Variants in NPEPL1 observed in about 807,000 individuals in gnomAD.
NPEPL1 encodes the protein aminopeptidase like 1, also known as probable aminopeptidase NPEPL1.
NPEPL1 carries 45 observed loss-of-function variants against 52.4 expected under a neutral mutation model. That is an observed-to-expected ratio of 0.86 (90% CI 0.68 to 1.10). The LOEUF (loss-of-function observed/expected upper bound fraction) is 1.10. Among genes scored for constraint, NPEPL1 ranks in the 50% least tolerant of loss-of-function variants. The pLI, the probability that NPEPL1 is intolerant of heterozygous loss-of-function variation, is 0.00. For synonymous variants in NPEPL1, 360 were observed against 314.7 expected, an observed-to-expected ratio of 1.14 and a Z score of -1.52; for missense variants, 696 against 710.9, an observed-to-expected ratio of 0.98 and a Z score of 0.24.
At chr20:58,705,776 G>A (rs1025952029) in intron 6 of NPEPL1, among the ~76,000 whole-genome samples, 7 of 152,224 alleles carry the variant, frequency 4.6e-5, no homozygotes, top group African/African-American at 1.7e-4. Flanking sequence ...TGTACAGTGA[G>A]CAGCCGTTTC....
chr20:58,695,191 G>A (rs2084456817), intron 3 of NPEPL1, among the ~76,000 whole-genome samples: 1 of 4,124 alleles, frequency 2.4e-4, no homozygotes, highest in East Asian at 6.1e-3. Context: ...GTGTTGTTGT[G>A]TGTGAGTACT....
Position 58,715,355 on chromosome 20 carries a change from G to T in NPEPL1, c.*29G>T, listed in dbSNP as rs762682867. ...TCCTGCCTCGGCCCTGACAAACGGG[G>T]ATCTTTTACCTCACTTTGCACTGAT... On this transcript the variant is annotated 3_prime_UTR_variant, in exon 12 of 12. Transcript: ENST00000356091. The T allele has an allele frequency of 6.3e-7, 1 of 1,577,160 alleles. No homozygotes were observed. The highest frequency in any genetic ancestry group is 2.3e-5 in the East Asian group (1 of 44,024).
intron 3 of NPEPL1, among the ~76,000 whole-genome samples, chr20:58,697,303 G>A (rs1291734618): frequency 1.3e-5 from 2 of 152,222 alleles, no homozygotes; most frequent in African/African-American, 2.4e-5. Context: ...CGAGCTCGCC[G>A]TGGTCTGGGG....
chr20:58,694,536 G>A lies in NPEPL1; in HGVS notation c.451G>A (p.Val151Met), dbSNP rs745622602. 7.4e-6 allele frequency: 12 copies of A among 1,614,010 alleles called. No homozygotes were observed. The highest frequency in any genetic ancestry group is 1.1e-5 in the South Asian group (1 of 91,084). Reference sequence around the variant, plus strand: ...GCGCTTGGAGAAGAAGACGGTCACCGTGGAGTTTTTCCTGGTGGGACAAGA... The same window carrying A: ...GCGCTTGGAGAAGAAGACGGTCACCATGGAGTTTTTCCTGGTGGGACAAGA... ...SRRLEKKTVT[V>M]EFFLVGQDNG... Residue 151 changes from valine (V) to methionine (M), a missense_variant, in exon 3 of 12, where the codon GTG (valine) becomes ATG (methionine). Physicochemically the swap from Val to Met is conservative, Grantham distance 21. Coordinates refer to ENST00000356091, the MANE Select transcript of NPEPL1 (RefSeq NM_024663.4).
In NPEPL1 at chr20:58,714,553, T is replaced by C. The variant is rs753954942; in HGVS notation, c.1303-7T>C. ...CCACAGGCACTGTGTCCTCCTGGCC[T>C]CCCTAGGACCGAGACAACAGCCCCA... On this transcript the variant is annotated splice_polypyrimidine_tract_variant and splice_region_variant and intron_variant, in intron 10 of 11. Coordinates refer to ENST00000356091, the MANE Select transcript of NPEPL1 (RefSeq NM_024663.4). The C allele has an allele frequency of 1.9e-6, 3 of 1,566,542 alleles. No individual in the cohort carries two copies. The highest frequency in any genetic ancestry group is 3.6e-5 in the Admixed American group (2 of 55,080).
At chr20:58,705,761 C>T (rs2084724028) in intron 6 of NPEPL1, among the ~76,000 whole-genome samples, 1 of 152,218 alleles carries the variant, frequency 6.6e-6, no homozygotes, top group Non-Finnish European at 1.5e-5. Flanking sequence ...ACGGGGGAGA[C>T]ATGGTGTACA....
intron 3 of NPEPL1, among the ~76,000 whole-genome samples, chr20:58,697,242 C>T (rs1001219578): frequency 6.6e-6 from 1 of 152,224 alleles, no homozygotes; most frequent in African/African-American, 2.4e-5. Flanking sequence ...TGGTGGAGGG[C>T]ACCCGCAGCC....
rs1039941506 is a variant in NPEPL1, at chr20:58,713,175, C to T, written c.1002-245C>T. On this transcript the variant is annotated intron_variant, in intron 8 of 11. Transcript: ENST00000356091. The surrounding 1 kb of genome is among the most constrained non-coding windows in gnomAD (Gnocchi z 4.6). ...AGAAGAAACTGAGGCATGGGAGAGCCAAATGGCTGGTCTCTGGCTCTCCAG... is the reference window on the plus strand; with the variant it reads ...AGAAGAAACTGAGGCATGGGAGAGCTAAATGGCTGGTCTCTGGCTCTCCAG... 2.0e-6 allele frequency: 1 copy of T among 489,920 alleles called. No individual in the cohort carries two copies. 30.3% of individuals were successfully genotyped at this position (489,920 alleles called of 1,614,324 possible).
intron 7 of NPEPL1, among the ~76,000 whole-genome samples, chr20:58,710,519 CA>C (rs1435938784): frequency 6.6e-6 from 1 of 152,098 alleles, no homozygotes; most frequent in African/African-American, 2.4e-5. Flanking sequence ...GCCCCTGACC[CA>C]CTTACCAACC....
chr20:58,699,672 T>C (rs181184511), intron 5 of NPEPL1, among the ~76,000 whole-genome samples: 57 of 152,252 alleles, frequency 3.7e-4, no homozygotes, highest in African/African-American at 1.3e-3. Context: ...TGGAATACTT[T>C]CCCCCAAGAT....
chr20:58,698,946 GGT>G (rs2084552222), intron 4 of NPEPL1, among the ~76,000 whole-genome samples, 173 bp downstream of exon 4: 1 of 152,226 alleles, frequency 6.6e-6, no homozygotes, highest in Admixed American at 6.5e-5. Flanking sequence ...CTCAGGAAAG[GGT>G]GTGTGGGGAG....
chr20:58,693,139 C>CCCT (rs2084389441), intron 1 of NPEPL1, 89 bp downstream of exon 1: 24 of 878,182 alleles, frequency 2.7e-5, no homozygotes, highest in Non-Finnish European at 3.3e-5. Flanking sequence ...CCGCCGCACC[C>CCCT]CCGCCGCCGC....
chr20:58,698,692 G>A lies in NPEPL1; in HGVS notation c.516G>A (p.Ala172=), dbSNP rs200126949. Residue 172 remains alanine (A), a synonymous_variant, in exon 4 of 12, where the codon GCG becomes GCA. Transcript: ENST00000356091. The part of the protein sequence containing the change: ...PVEVSTLQCL[A]NATDGVRLAA... ...GGCCTTTTTCTCCCTAGTGCTTAGC[G>A]AATGCCACAGACGGCGTGCGGCTAG... 336 of 1,612,640 alleles carry A rather than the reference G, an allele frequency of 2.1e-4. 2 individuals are homozygous for A. In the African/African-American group the frequency reaches 3.9e-3, roughly 19 times the overall value.
intron 5 of NPEPL1, 38 bp downstream of exon 5, chr20:58,699,316 G>A (rs1312805323): frequency 5.2e-6 from 8 of 1,541,210 alleles, no homozygotes; most frequent in Non-Finnish European, 7.1e-6. Context: ...CTTGGCCTCG[G>A]GCAGTGGCCA....
rs528880020 is a variant in NPEPL1 at position 58,712,421 on chromosome 20, T to C, written c.901-58T>C. 209 of 1,169,166 alleles carry C rather than the reference T, an allele frequency of 1.8e-4. No homozygotes were observed. In the East Asian group the frequency reaches 4.8e-3, roughly 27 times the overall value. 72.4% of individuals were successfully genotyped at this position (1,169,166 alleles called of 1,614,324 possible). A position where few individuals can be genotyped will look rare whatever the true frequency, so the allele number is the denominator to read the frequency against. Reference sequence around the variant, plus strand: ...GGGTCTGAGAACCCCCAGCTCGTCCTCCCCCCTCCCCAAACCTATGACCTA... The same window carrying C: ...GGGTCTGAGAACCCCCAGCTCGTCCCCCCCCCTCCCCAAACCTATGACCTA... On this transcript the variant is annotated intron_variant, in intron 7 of 11. Transcript: ENST00000356091.
Position 58,713,585 on chromosome 20 carries a change from G to A in NPEPL1, c.1125+42G>A. ...TCCACCCCTTAGCTGTAGTCCCAGG[G>A]AACCCCACCCCACTCTTGACCTCAA... is the stretch of plus-strand genomic sequence containing the variant. On this transcript the variant is annotated intron_variant, in intron 9 of 11. Coordinates refer to ENST00000356091, the MANE Select transcript of NPEPL1 (RefSeq NM_024663.4). This position sits in a 1 kb window ranked among gnomAD's most constrained non-coding sequence, Gnocchi z 4.6. 1 of 1,538,052 alleles carries A rather than the reference G, an allele frequency of 6.5e-7. No individual in the cohort carries two copies. Among genetic ancestry groups the A allele is most frequent in the Non-Finnish European group, 8.8e-7 (1 of 1,136,522 alleles).
At chr20:58,708,671 C>A (rs1490309193) in intron 7 of NPEPL1, among the ~76,000 whole-genome samples, 1 of 152,244 alleles carries the variant, frequency 6.6e-6, no homozygotes, top group Non-Finnish European at 1.5e-5. Flanking sequence ...TTGACTGCCC[C>A]AGCATCATAG....
Position 58,699,280 on chromosome 20 carries a change from T to C in NPEPL1, c.679+2T>C, listed in dbSNP as rs1421149449. 6.2e-6 allele frequency: 10 copies of C among 1,602,644 alleles called. No homozygotes were observed. Among genetic ancestry groups the C allele is most frequent in the South Asian group, 2.2e-5 (2 of 88,964 alleles). ...AACTGAAGACGAGAGGATTTGGAGG[T>C]GGGTGGGGGCTGCATCCCTGCAGCT... On this transcript the variant is annotated splice_donor_variant, in intron 5 of 11. Coordinates refer to ENST00000356091, the MANE Select transcript of NPEPL1 (RefSeq NM_024663.4). LOFTEE classifies it high-confidence loss of function.
intron 6 of NPEPL1, among the ~76,000 whole-genome samples, chr20:58,706,546 G>C (rs569475984): frequency 1.4e-4 from 21 of 152,292 alleles, no homozygotes; most frequent in Admixed American, 1.3e-3. Context: ...CTTCCTCCCT[G>C]CCATAAGCAC....
Sources: allele counts gnomAD v4.1 joint callset (sites outside exome capture counted in the v4.1 genomes callset), GRCh38; gene constraint gnomAD v4.1.1; non-coding constraint Gnocchi (gnomAD v3.1); transcripts MANE v1.5; gene names NCBI Gene and HGNC (gene_info 2026-07-23, HGNC 2026-07-21).